The following CTNNA2 variants were observed in gnomAD, a reference collection of about 807,000 sequenced individuals.
CTNNA2 encodes the protein catenin alpha-2.
A neutral mutation model predicts 101.0 loss-of-function variants in CTNNA2; 42 were observed. The ratio of observed to expected loss-of-function variants is 0.42; its 90% confidence interval spans 0.32 to 0.54. The LOEUF (loss-of-function observed/expected upper bound fraction) is 0.54, where lower values mean the gene tolerates loss of function less well. CTNNA2 is among the 20% of genes least tolerant of loss of function. The pLI is 0.14. For missense variants in CTNNA2, 871 were observed against 1,223.1 expected, an observed-to-expected ratio of 0.71 and a Z score of 4.29; for synonymous variants, 450 against 456.4, an observed-to-expected ratio of 0.99 and a Z score of 0.18.
intron 4 of CTNNA2, among the ~76,000 whole-genome samples, chr2:79,405,566 T>C (rs1678332500): frequency 6.6e-6 from 1 of 152,064 alleles, no homozygotes; most frequent in Admixed American, 6.6e-5. Context: ...CCTCAAGTGA[T>C]CTGCCCACCT....
chr2:80,215,414 T>C (rs1708199149), intron 7 of CTNNA2, among the ~76,000 whole-genome samples: 2 of 152,212 alleles, frequency 1.3e-5, no homozygotes, highest in South Asian at 4.1e-4. Flanking sequence ...TGGTCTTTGA[T>C]GATGGCGATG....
In CTNNA2 at chr2:80,515,587, C is replaced by T. The variant is rs564054730; in HGVS notation, c.1291-29395C>T. Among the ~76,000 whole-genome samples the T allele has an allele frequency of 7.2e-5, 11 of 152,276 alleles. No homozygotes were observed. In the South Asian group the frequency reaches 2.3e-3, roughly 32 times the overall value. ...GAGGCTGACATTGGGATCTTATTCT[C>T]TTGAGCTGCATTAGAATGAGAAGGC... On this transcript the variant is annotated intron_variant, in intron 9 of 18. Coordinates refer to ENST00000402739, the MANE Select transcript of CTNNA2 (RefSeq NM_001282597.3).
intron 18 of CTNNA2, among the ~76,000 whole-genome samples, chr2:80,636,127 G>A (rs111308355): frequency 6.6e-6 from 1 of 152,004 alleles, no homozygotes; most frequent in Non-Finnish European, 1.5e-5. Context: ...GTTAGTAAAT[G>A]TGTGCAGAGC....
At chr2:79,374,746 A>G (rs1283430284) in intron 4 of CTNNA2, among the ~76,000 whole-genome samples, 1 of 125,264 alleles carries the variant, frequency 8.0e-6, no homozygotes, top group Admixed American at 8.5e-5. Flanking sequence ...TGATTGCACT[A>G]CAAATGTTAA....
chr2:79,548,222 G>A (rs1042467936), intron 1 of CTNNA2: 8 of 152,124 alleles, frequency 5.3e-5, no homozygotes, highest in Non-Finnish European at 1.0e-4. Flanking sequence ...CATACTTAAC[G>A]GAAATACTCT....
chr2:79,825,661 C>A (rs1005740716), intron 3 of CTNNA2, among the ~76,000 whole-genome samples: 1 of 151,844 alleles, frequency 6.6e-6, no homozygotes, highest in Admixed American at 6.6e-5. Flanking sequence ...ATGGGAAATA[C>A]AAATTTGGAA....
chr2:80,556,543 G>A (rs12104984), intron 12 of CTNNA2, among the ~76,000 whole-genome samples: 2,932 of 152,220 alleles, frequency 0.019, 98 homozygotes, highest in African/African-American at 0.067. Context: ...GTCAGGTATG[G>A]TTACTTATGG....
intron 2 of CTNNA2, among the ~76,000 whole-genome samples, chr2:79,677,308 G>A (rs1196700101): frequency 2.0e-5 from 3 of 152,234 alleles, no homozygotes; most frequent in Non-Finnish European, 4.4e-5. Flanking sequence ...AGGAGGGTTG[G>A]GGATGGAGAG....
chr2:79,583,256 A>T (rs902478829), intron 1 of CTNNA2, among the ~76,000 whole-genome samples: 1 of 151,684 alleles, frequency 6.6e-6, no homozygotes, highest in Non-Finnish European at 1.5e-5. Context: ...ACTTTGCCTC[A>T]TCTACTCAGA....
intron 2 of CTNNA2, among the ~76,000 whole-genome samples, chr2:79,729,193 A>C (rs1573810151): frequency 6.6e-6 from 1 of 152,170 alleles, no homozygotes; most frequent in Non-Finnish European, 1.5e-5. Context: ...TCTGGGGCTC[A>C]AGTTCAATTA....
At chr2:80,473,027 A>T (rs2149488661) in intron 9 of CTNNA2, among the ~76,000 whole-genome samples, 1 of 152,310 alleles carries the variant, frequency 6.6e-6, no homozygotes, top group East Asian at 1.9e-4. Context: ...TCACCAAGTC[A>T]ATATGTACAA....
intron 9 of CTNNA2, among the ~76,000 whole-genome samples, chr2:80,459,621 C>G (rs762796623): frequency 6.6e-6 from 1 of 152,120 alleles, no homozygotes; most frequent in Non-Finnish European, 1.5e-5. Context: ...TTGCCTTGAT[C>G]AGTGCTCCAA....
chr2:79,851,722 C>CT (rs1680721752), intron 3 of CTNNA2, among the ~76,000 whole-genome samples: 1 of 134,010 alleles, frequency 7.5e-6, no homozygotes, highest in African/African-American at 2.8e-5. Context: ...TTTTCTTTTT[C>CT]ATTTTTTTCT....
chr2:79,626,592 T>C (rs1338382332), intron 1 of CTNNA2, among the ~76,000 whole-genome samples: 1 of 147,158 alleles, frequency 6.8e-6, no homozygotes, highest in Non-Finnish European at 1.5e-5. Context: ...TGTGTGTGCA[T>C]GTATGTGTAT....
intron 7 of CTNNA2, among the ~76,000 whole-genome samples, chr2:80,120,632 T>G (rs1017392937): frequency 2.0e-5 from 3 of 152,146 alleles, no homozygotes; most frequent in African/African-American, 4.8e-5. Context: ...AATGAATTAT[T>G]TAAGGACATT....
intron 1 of CTNNA2, among the ~76,000 whole-genome samples, chr2:79,583,733 T>C (rs1018559303): frequency 7.9e-5 from 12 of 152,194 alleles, no homozygotes; most frequent in African/African-American, 2.9e-4. Flanking sequence ...TTTTAATAGG[T>C]ATGAAGTGGT....
intron 2 of CTNNA2, among the ~76,000 whole-genome samples, chr2:79,661,748 G>T (rs1460678599): frequency 2.6e-5 from 4 of 152,080 alleles, no homozygotes; most frequent in African/African-American, 9.7e-5. Flanking sequence ...AAGGGGAAAG[G>T]TGCTAATGTT....
rs753815778 is a variant in CTNNA2, at chr2:80,462,631, C to CTTTTTTT, written c.1290+43045_1290+43051dup. On this transcript the variant is annotated intron_variant, in intron 9 of 18. Coordinates refer to ENST00000402739, the MANE Select transcript of CTNNA2 (RefSeq NM_001282597.3). ...CCTTCCTTTCCTTCTTTCTTTCTTT[C>CTTTTTTT]TTTTTTTTTTTTTTTTTTTTTGACG... Among the ~76,000 whole-genome samples the CTTTTTTT allele has an allele frequency of 3.2e-3, 304 of 94,738 alleles. 3 individuals are homozygous for CTTTTTTT. Among genetic ancestry groups the CTTTTTTT allele is most frequent in the African/African-American group, 9.5e-3 (205 of 21,658 alleles). The allele number at this position is 94,738 out of a possible 152,430, so 62.2% of individuals were successfully genotyped here.
In CTNNA2 at chr2:79,689,643, C is replaced by T. The variant is rs77380030; in HGVS notation, c.102+37985C>T. 7.1e-3 allele frequency among the ~76,000 whole-genome samples: 1,076 copies of T among 151,526 alleles called. 39 individuals carry two copies. The East Asian group carries it at 0.095, about 13-fold the overall frequency. ...AAGAAAAAGGTAGCAAAAAAGCAAACCACAAAAGATGTAGATATTAGAATT... is the reference window on the plus strand; with the variant it reads ...AAGAAAAAGGTAGCAAAAAAGCAAATCACAAAAGATGTAGATATTAGAATT... On this transcript the variant is annotated intron_variant, in intron 2 of 18. Coordinates refer to ENST00000402739, the MANE Select transcript of CTNNA2 (RefSeq NM_001282597.3).
Sources: gnomAD v4.1 joint callset for allele counts (sites outside exome capture counted in the v4.1 genomes callset) on GRCh38, gnomAD v4.1.1 for gene constraint, MANE v1.5 for transcripts, NCBI Gene and HGNC (gene_info 2026-07-23, HGNC 2026-07-21) for gene names.